The following SYNE1 variants were observed in gnomAD, a reference collection of about 807,000 sequenced individuals.
The protein encoded by SYNE1 is spectrin repeat containing nuclear envelope protein 1, also known as nesprin-1.
A neutral mutation model predicts 1,111.0 loss-of-function variants in SYNE1; 616 were observed. That is an observed-to-expected ratio of 0.55 (90% CI 0.52 to 0.59). The LOEUF is 0.59. SYNE1 is among the 20% of genes least tolerant of loss of function. The pLI is 0.00. For synonymous variants in SYNE1, 3,855 were observed against 3,825.8 expected, an observed-to-expected ratio of 1.01 and a Z score of -0.28; for missense variants, 10,006 against 10,417.0, an observed-to-expected ratio of 0.96 and a Z score of 1.72.
At chr6:152,329,650 A>C (rs2096195587) in intron 78 of SYNE1, 80 bp downstream of exon 78, 1 of 1,587,888 alleles carries the variant, frequency 6.3e-7, no homozygotes, top group Admixed American at 1.7e-5. Context: ...AAGCAATTAT[A>C]ACCAAGCAAA....
At chr6:152,520,621 A>G in intron 5 of SYNE1, 79 bp from the exon 6 acceptor site, 1 of 1,457,228 alleles carries the variant, frequency 6.9e-7, no homozygotes, top group Non-Finnish European at 9.6e-7. Flanking sequence ...ATTTAAATGG[A>G]TTAAAAATAT....
At chr6:152,334,713 C>T (rs1392815648) in intron 76 of SYNE1, among the ~76,000 whole-genome samples, 1 of 152,200 alleles carries the variant, frequency 6.6e-6, no homozygotes, top group Non-Finnish European at 1.5e-5. Context: ...CCTAGGTCTG[C>T]TAAGTCCTGG....
At chr6:152,629,657 A>C (rs547866377) in intron 2 of SYNE1, among the ~76,000 whole-genome samples, 6 of 152,084 alleles carry the variant, frequency 3.9e-5, no homozygotes, top group African/African-American at 1.4e-4. Flanking sequence ...GTTTAGCTGA[A>C]GAGAAGGTAT....
intron 3 of SYNE1, among the ~76,000 whole-genome samples, chr6:152,610,243 C>G (rs904398875): frequency 2.0e-5 from 3 of 152,070 alleles, no homozygotes; most frequent in African/African-American, 7.2e-5. Flanking sequence ...AGCTAAAAAC[C>G]TTGAAAAAAG....
chr6:152,183,080 C>T (rs530492585), intron 128 of SYNE1, among the ~76,000 whole-genome samples: 1 of 152,114 alleles, frequency 6.6e-6, no homozygotes, highest in African/African-American at 2.4e-5. Flanking sequence ...ACACCATACC[C>T]CAAATAGCAC....
intron 3 of SYNE1, among the ~76,000 whole-genome samples, chr6:152,605,030 GAGAGA>G (rs1565141806): frequency 1.3e-3 from 85 of 63,510 alleles, no homozygotes; most frequent in African/African-American, 3.9e-3. Flanking sequence ...GAGAGAGAGA[GAGAGA>G]GGGAGGGAGG....
intron 3 of SYNE1, among the ~76,000 whole-genome samples, chr6:152,587,482 A>T (rs899544236): frequency 6.6e-6 from 1 of 152,212 alleles, no homozygotes; most frequent in African/African-American, 2.4e-5. Context: ...TATTGGAGAA[A>T]ATCAAATTCA....
chr6:152,299,278 C>A (rs564677043), intron 93 of SYNE1, among the ~76,000 whole-genome samples: 2 of 152,014 alleles, frequency 1.3e-5, no homozygotes, highest in East Asian at 3.9e-4. Flanking sequence ...AATAATCAGC[C>A]GACTATAGCT....
intron 74 of SYNE1, among the ~76,000 whole-genome samples, chr6:152,342,016 C>A (rs1211673416): frequency 6.6e-6 from 1 of 152,094 alleles, no homozygotes. Flanking sequence ...AATAAAAAAC[C>A]TTTCCTCCTC....
intron 71 of SYNE1, 67 bp from the exon 72 acceptor site, chr6:152,350,402 T>C (rs2096720700): frequency 1.2e-6 from 2 of 1,607,854 alleles, no homozygotes; most frequent in Non-Finnish European, 1.7e-6. Context: ...TGTTTTGTAT[T>C]ACAAAAACCC....
chr6:152,271,759 A>G (rs1469690685), intron 98 of SYNE1, among the ~76,000 whole-genome samples: 2 of 152,224 alleles, frequency 1.3e-5, no homozygotes, highest in Non-Finnish European at 2.9e-5. Context: ...GCCTCAAGAA[A>G]TCAGTGGACG....
At chr6:152,139,799 G>T in intron 140 of SYNE1, 151 bp downstream of exon 140, 2 of 735,246 alleles carry the variant, frequency 2.7e-6, no homozygotes, top group Non-Finnish European at 4.7e-6. Context: ...ATTTGGGATG[G>T]CTGGAGGTGA....
intron 78 of SYNE1, among the ~76,000 whole-genome samples, chr6:152,329,043 A>G (rs1387112725): frequency 1.3e-5 from 2 of 152,192 alleles, no homozygotes; most frequent in Non-Finnish European, 2.9e-5. Flanking sequence ...CACATTGTTT[A>G]CAAAGGGCAT....
intron 115 of SYNE1, among the ~76,000 whole-genome samples, chr6:152,228,174 C>T (rs13206305): frequency 0.18 from 27,157 of 152,062 alleles, 2,587 homozygotes; most frequent in African/African-American, 0.19. Flanking sequence ...TGTAGTATAG[C>T]CAAATAGAAC....
At chr6:152,347,277 T>C in intron 72 of SYNE1, 42 bp from the exon 73 acceptor site, 1 of 1,604,842 alleles carries the variant, frequency 6.2e-7, no homozygotes, top group Non-Finnish European at 8.5e-7. Context: ...GAATTCTACT[T>C]TTAAGTAACT....
intron 124 of SYNE1, among the ~76,000 whole-genome samples, chr6:152,209,260 T>C (rs1393423304): frequency 6.6e-6 from 1 of 152,208 alleles, no homozygotes; most frequent in African/African-American, 2.4e-5. Flanking sequence ...TTCTTGAAAC[T>C]TCCTATTATC....
At chr6:152,440,516 C>T (rs940684317) in intron 32 of SYNE1, among the ~76,000 whole-genome samples, 1 of 151,548 alleles carries the variant, frequency 6.6e-6, no homozygotes, top group African/African-American at 2.4e-5. Context: ...CCAAACTCTA[C>T]TAAGTTTTAC....
intron 135 of SYNE1, among the ~76,000 whole-genome samples, chr6:152,150,227 C>T (rs1025628679): frequency 6.6e-6 from 1 of 152,142 alleles, no homozygotes; most frequent in Non-Finnish European, 1.5e-5. Flanking sequence ...TATTTAGACT[C>T]ATTCTATGTG....
In SYNE1 at chr6:152,310,377, C is replaced by T; in HGVS notation, c.17019+19G>A. 1 of 1,613,954 alleles carries T rather than the reference C, an allele frequency of 6.2e-7. No homozygotes were observed. Among genetic ancestry groups the T allele is most frequent in the Non-Finnish European group, 8.5e-7 (1 of 1,180,016 alleles). On this transcript the variant is annotated intron_variant, in intron 89 of 145. Transcript: ENST00000367255. ...ATATAGGTCCCTGTCCCTATTTACT[C>T]CAAGTTAGTTTGGCTTACCTGCCGA... is the stretch of plus-strand genomic sequence containing the variant.
Sources: gnomAD v4.1 joint callset for allele counts (sites outside exome capture counted in the v4.1 genomes callset) on GRCh38, gnomAD v4.1.1 for gene constraint, MANE v1.5 for transcripts, NCBI Gene and HGNC (gene_info 2026-07-23, HGNC 2026-07-21) for gene names.